Variants in FAM210A observed in about 807,000 individuals in gnomAD.
The protein encoded by FAM210A is mitochondrial inner membrane scaffold 1, also known as family with sequence similarity 210 member A.
A neutral mutation model predicts 25.3 loss-of-function variants in FAM210A; 13 were observed. The observed-to-expected ratio is 0.51, with a 90% confidence interval of 0.33 to 0.82. The LOEUF is 0.82. Ranked by LOEUF, FAM210A falls within the 40% of genes least tolerant of loss-of-function variation. FAM210A has a pLI of 0.02. For synonymous variants in FAM210A, 125 were observed against 118.7 expected (o/e 1.05, Z -0.35); for missense variants, 319 against 323.2 (o/e 0.99, Z 0.10).
intron 1 of FAM210A, among the ~76,000 whole-genome samples, chr18:13,698,725 T>C (rs1482907003): frequency 6.6e-6 from 1 of 152,200 alleles, no homozygotes; most frequent in Non-Finnish European, 1.5e-5. Flanking sequence ...CATATCTTGC[T>C]GGGCAAAGGG....
chr18:13,721,035 T>C (rs2043894191), intron 1 of FAM210A, among the ~76,000 whole-genome samples: 1 of 152,178 alleles, frequency 6.6e-6, no homozygotes. Flanking sequence ...TCATCTTATC[T>C]AATTACATTT....
At chr18:13,680,800 G>A (rs113195854) in intron 2 of FAM210A, among the ~76,000 whole-genome samples, 5 of 152,328 alleles carry the variant, frequency 3.3e-5, no homozygotes, top group African/African-American at 4.8e-5. Flanking sequence ...GCACTCGGCC[G>A]ACTAGTGGCA....
At chr18:13,669,234 G>C (rs2043423926) in intron 3 of FAM210A, among the ~76,000 whole-genome samples, 1 of 152,122 alleles carries the variant, frequency 6.6e-6, no homozygotes, top group Non-Finnish European at 1.5e-5. Flanking sequence ...CTTCTCCCCT[G>C]ATCCCGCCAT....
chr18:13,717,906 AACTGCCTACGG>A (rs1384094163), intron 1 of FAM210A, among the ~76,000 whole-genome samples: 1 of 152,214 alleles, frequency 6.6e-6, no homozygotes, highest in African/African-American at 2.4e-5. Flanking sequence ...CCGTATGATG[AACTGCCTACGG>A]ACAGGGCCGC....
At chr18:13,678,580 G>A (rs929458045) in intron 2 of FAM210A, among the ~76,000 whole-genome samples, 2 of 152,194 alleles carry the variant, frequency 1.3e-5, no homozygotes, top group African/African-American at 4.8e-5. Flanking sequence ...GTGAGCCACT[G>A]TGCCCGGCCC....
chr18:13,697,779 G>A (rs1231938798), intron 1 of FAM210A: 1 of 151,154 alleles, frequency 6.6e-6, no homozygotes, highest in Non-Finnish European at 1.5e-5. Context: ...GATGTTTAAA[G>A]CAGCTTTATT....
chr18:13,693,911 G>A (rs536519703), intron 1 of FAM210A, among the ~76,000 whole-genome samples: 1 of 152,274 alleles, frequency 6.6e-6, no homozygotes, highest in East Asian at 1.9e-4. Flanking sequence ...TAAATAAAGG[G>A]TATTCAATTA....
At position 13,716,625 on chromosome 18, in the gene FAM210A, G is replaced by A. The variant is rs186314158; in HGVS notation, c.-29+9704C>T. 3.2e-3 allele frequency among the ~76,000 whole-genome samples: 494 copies of A among 152,234 alleles called. 4 individuals carry two copies. The highest frequency in any genetic ancestry group is 0.01 in the Middle Eastern group (3 of 294). ...AAATTGTAATCCCCACGTGTTAAGC[G>A]ATGGACCTGGTGGGAGTAATTGGAT... On this transcript the variant is annotated intron_variant, in intron 1 of 3. Coordinates refer to ENST00000651643, the MANE Select transcript of FAM210A (RefSeq NM_152352.4).
chr18:13,689,344 C>A (rs1217900284), intron 1 of FAM210A, among the ~76,000 whole-genome samples: 1 of 152,168 alleles, frequency 6.6e-6, no homozygotes, highest in Non-Finnish European at 1.5e-5. Flanking sequence ...TTGGTTATCA[C>A]AATCAATGTA....
chr18:13,725,069 T>A (rs1418353095), intron 1 of FAM210A, among the ~76,000 whole-genome samples: 1 of 152,200 alleles, frequency 6.6e-6, no homozygotes, highest in Non-Finnish European at 1.5e-5. Flanking sequence ...CTGCACCCGG[T>A]GTTTAAAAAC....
chr18:13,688,668 C>T (rs7231735), intron 1 of FAM210A, among the ~76,000 whole-genome samples: 74,962 of 152,178 alleles, frequency 0.49, 19,904 homozygotes, highest in East Asian at 0.86. Context: ...CCCTCACTGG[C>T]GGAGAGCAGC....
rs1319187044 is a variant in FAM210A at position 13,704,570 on chromosome 18, C to T, written c.-29+21759G>A. Among the ~76,000 whole-genome samples the T allele has an allele frequency of 2.0e-5, 3 of 152,252 alleles. No homozygotes were observed. In the East Asian group the frequency reaches 5.8e-4, roughly 29 times the overall value. ...TAGGCTTCCGAAAATCAAATTTCAG[C>T]TTCAAAATTGTCTTTTCTAACTTCT... On this transcript the variant is annotated intron_variant, in intron 1 of 3. Transcript: ENST00000651643.
chr18:13,724,319 AGCCAGACT>A (rs1247114145), intron 1 of FAM210A, among the ~76,000 whole-genome samples: 1 of 152,238 alleles, frequency 6.6e-6, no homozygotes, highest in Non-Finnish European at 1.5e-5. Flanking sequence ...CTGGTCAATC[AGCCAGACT>A]GCCTGGGTCC....
rs191757586 is a variant in FAM210A, at chr18:13,725,974, A to G, written c.-29+355T>C. ...TAATAAGAAATTGCTAATTTTAAAA[A>G]CCATTCCGAACGCGGGCGCTTCCGG... On this transcript the variant is annotated intron_variant, in intron 1 of 3. Coordinates refer to ENST00000651643, the MANE Select transcript of FAM210A (RefSeq NM_152352.4). 9.8e-5 allele frequency among the ~76,000 whole-genome samples: 15 copies of G among 152,296 alleles called. No individual in the cohort carries two copies. In the East Asian group the frequency reaches 2.9e-3, roughly 29 times the overall value.
chr18:13,688,158 G>A (rs2043612498), intron 1 of FAM210A, among the ~76,000 whole-genome samples: 2 of 152,102 alleles, frequency 1.3e-5, no homozygotes, highest in Non-Finnish European at 1.5e-5. Flanking sequence ...GAAATTCTAG[G>A]CAGACAGGGA....
At chr18:13,720,314 A>AGTTT (rs1385377721) in intron 1 of FAM210A, among the ~76,000 whole-genome samples, 1 of 152,188 alleles carries the variant, frequency 6.6e-6, no homozygotes, top group Admixed American at 6.5e-5. Context: ...TTTGCACAGC[A>AGTTT]GCCTGTACCT....
intron 1 of FAM210A, among the ~76,000 whole-genome samples, chr18:13,694,406 T>C (rs553053512): frequency 2.6e-5 from 4 of 152,308 alleles, no homozygotes; most frequent in Admixed American, 2.6e-4. Flanking sequence ...TCCGCATTGC[T>C]AAGACAATCC....
intron 1 of FAM210A, among the ~76,000 whole-genome samples, chr18:13,691,224 T>G (rs1231094631): frequency 6.6e-6 from 1 of 152,032 alleles, no homozygotes; most frequent in African/African-American, 2.4e-5. Context: ...TACAAAGACA[T>G]GAAGAAATCC....
chr18:13,669,110 C>CGGGT (rs2043423241), intron 3 of FAM210A, among the ~76,000 whole-genome samples: 1 of 152,190 alleles, frequency 6.6e-6, no homozygotes, highest in Non-Finnish European at 1.5e-5. Flanking sequence ...CCAGCAACCA[C>CGGGT]GTCTTTAAAA....
Sources: gnomAD v4.1 joint callset for allele counts (sites outside exome capture counted in the v4.1 genomes callset) on GRCh38, gnomAD v4.1.1 for gene constraint, MANE v1.5 for transcripts, NCBI Gene and HGNC (gene_info 2026-07-23, HGNC 2026-07-21) for gene names.